Variants in MMEL1 observed in about 807,000 individuals in gnomAD.
The protein encoded by MMEL1 is membrane metallo-endopeptidase-like 1.
In MMEL1, 98 loss-of-function variants were observed where a neutral mutation model predicts 117.1. The ratio of observed to expected loss-of-function variants is 0.84; its 90% CI spans 0.71 to 0.99. The LOEUF is 0.99. Ranked by LOEUF, MMEL1 falls within the 50% of genes least tolerant of loss-of-function variation. The probability of loss-of-function intolerance (pLI) is 0.00; values close to 1 mark genes in which losing one functional copy is unlikely to be tolerated. For missense variants in MMEL1, 1,014 were observed against 1,049.1 expected, an observed-to-expected ratio of 0.97 and a Z score of 0.46; for synonymous variants, 390 against 415.1, an observed-to-expected ratio of 0.94 and a Z score of 0.74.
At chr1:2,592,807 G>T (rs1219050314) in intron 20 of MMEL1, 26 bp downstream of exon 20, 3 of 1,612,850 alleles carry the variant, frequency 1.9e-6, no homozygotes, top group Non-Finnish European at 2.5e-6. Context: ...TACCCCCGCA[G>T]CCTGGGTGCT....
intron 5 of MMEL1, 45 bp from the exon 6 acceptor site, chr1:2,609,464 A>G (rs777755893): frequency 1.9e-6 from 3 of 1,583,530 alleles, no homozygotes; most frequent in Admixed American, 1.8e-5. Context: ...ACGAGGCTGC[A>G]GGGGCCAGGT....
intron 2 of MMEL1, among the ~76,000 whole-genome samples, chr1:2,616,949 T>C (rs1173517792): frequency 6.6e-6 from 1 of 152,240 alleles, no homozygotes; most frequent in East Asian, 1.9e-4. Context: ...GAGGATGTAG[T>C]GAGCTCCTGA....
chr1:2,594,666 C>T (rs1644802339), intron 17 of MMEL1, 124 bp downstream of exon 17: 4 of 929,262 alleles, frequency 4.3e-6, no homozygotes, highest in Admixed American at 2.2e-5. Flanking sequence ...CCAGTGACTG[C>T]ACCCCTCAGC....
At chr1:2,606,549 C>T (rs1461109155) in intron 7 of MMEL1, among the ~76,000 whole-genome samples, 183 bp from the exon 8 acceptor site, 5 of 152,170 alleles carry the variant, frequency 3.3e-5, no homozygotes, top group African/African-American at 4.8e-5. Flanking sequence ...GAGCCACAGG[C>T]GGGCCCCCAG....
intron 11 of MMEL1, among the ~76,000 whole-genome samples, chr1:2,602,456 T>G (rs1247592123): frequency 1.3e-5 from 2 of 152,146 alleles, no homozygotes; most frequent in African/African-American, 4.8e-5. Context: ...TTTAGTCCTT[T>G]TGCAAACCCT....
chr1:2,593,806 C>A lies in MMEL1; in HGVS notation c.1867+8G>T. 1.3e-6 allele frequency: 2 copies of A among 1,594,482 alleles called. No homozygotes were observed. Among genetic ancestry groups the A allele is most frequent in the Non-Finnish European group, 1.7e-6 (2 of 1,168,218 alleles). ...AGGGCGTGTGTGATTGGAGGGGCGG[C>A]CGCTCACCATTGTCGTCAAAGCCGT... On this transcript the variant is annotated splice_region_variant and intron_variant, in intron 19 of 23. Coordinates refer to ENST00000378412, the MANE Select transcript of MMEL1 (RefSeq NM_033467.4).
intron 2 of MMEL1, among the ~76,000 whole-genome samples, chr1:2,626,590 T>C (rs1213021996): frequency 6.6e-6 from 1 of 152,278 alleles, no homozygotes; most frequent in Non-Finnish European, 1.5e-5. Context: ...ATTTGGCCTA[T>C]GGGCCATAGT....
rs1304575600 is a variant in MMEL1 at position 2,603,874 on chromosome 1, G to A, written c.1041+10C>T. 4.3e-6 allele frequency: 7 copies of A among 1,612,148 alleles called. No individual in the cohort carries two copies. The highest frequency in any genetic ancestry group is 1.3e-5 in the African/African-American group (1 of 74,914). ...GGCCAGTGCCGGCCTCCTGTGTGGT[G>A]TGGCCTCACCTTCAGGCCAAACTGG... On this transcript the variant is annotated intron_variant, in intron 11 of 23. Coordinates refer to ENST00000378412, the MANE Select transcript of MMEL1 (RefSeq NM_033467.4).
chr1:2,623,171 A>T (rs1645316680), intron 2 of MMEL1, among the ~76,000 whole-genome samples: 1 of 152,178 alleles, frequency 6.6e-6, no homozygotes, highest in South Asian at 2.1e-4. Context: ...GTCTAAAAAA[A>T]AAAAAAAACC....
rs558163181 is a variant in MMEL1, at chr1:2,606,707, T to C, written c.631+267A>G. ...GGCCGGAGCCTGGCTGGGGCCTGAG[T>C]GTCGAGCGCTCCTAGGGGCCGAGGA... On this transcript the variant is annotated intron_variant, in intron 7 of 23. Transcript: ENST00000378412. 2.5e-3 allele frequency among the ~76,000 whole-genome samples: 379 copies of C among 151,966 alleles called. 1 individual carries two copies. Among genetic ancestry groups the C allele is most frequent in the African/African-American group, 8.9e-3 (367 of 41,462 alleles).
At position 2,603,980 on chromosome 1, in the gene MMEL1, C is replaced by G. The variant is rs565067009; in HGVS notation, c.952-7G>C. The G allele has an allele frequency of 1.9e-6, 3 of 1,613,556 alleles. No homozygotes were observed. The highest frequency in any genetic ancestry group is 2.5e-6 in the Non-Finnish European group (3 of 1,179,906). The stretch of plus-strand genomic sequence containing the variant: ...CCTCCTGGGGTACCGTGGCCTGTGC[C>G]GGGGATAGCAGTCACACGGGCGGGT... On this transcript the variant is annotated splice_region_variant and splice_polypyrimidine_tract_variant and intron_variant, in intron 10 of 23. Transcript: ENST00000378412.
chr1:2,590,953 G>A lies in MMEL1; in HGVS notation c.*37C>T, dbSNP rs2296443. 0.31 allele frequency: 438,393 copies of A among 1,429,510 alleles called. 70,996 individuals carry two copies. Among genetic ancestry groups the A allele is most frequent in the East Asian group, 0.35 (13,601 of 38,806 alleles). 88.6% of individuals were successfully genotyped at this position (1,429,510 alleles called of 1,614,324 possible). A position where few individuals can be genotyped will look rare whatever the true frequency, so the allele number is the denominator to read the frequency against. ...CTTCGCACAGATGCCTCCGAGCAGC[G>A]GGTGGGCGTGGGCCGCACAGCGCGG... is the stretch of plus-strand genomic sequence containing the variant. On this transcript the variant is annotated 3_prime_UTR_variant, in exon 24 of 24. Transcript: ENST00000378412.
At chr1:2,596,482 G>T (rs956227889) in intron 14 of MMEL1, 79 bp downstream of exon 14, 2 of 1,551,594 alleles carry the variant, frequency 1.3e-6, no homozygotes, top group Non-Finnish European at 8.7e-7. Context: ...CCTGGGCGGG[G>T]TGGGAGTCTC....
chr1:2,591,238 C>A, intron 23 of MMEL1, 149 bp from the exon 24 acceptor site: 1 of 607,460 alleles, frequency 1.6e-6, no homozygotes, highest in Non-Finnish European at 2.9e-6. Flanking sequence ...TGAGATAAAC[C>A]CCCATCTGAC....
intron 18 of MMEL1, 112 bp from the exon 19 acceptor site, chr1:2,594,045 G>A: frequency 2.9e-6 from 4 of 1,366,778 alleles, no homozygotes; most frequent in Non-Finnish European, 3.9e-6. Context: ...CAGACCGGGA[G>A]GCAGAGGTCA....
rs983004290 is a variant in MMEL1 at position 2,595,632 on chromosome 1, C to T, written c.1501-273G>A. Among the ~76,000 whole-genome samples, 1 of 152,044 alleles carries T rather than the reference C, an allele frequency of 6.6e-6. No individual in the cohort carries two copies. Among genetic ancestry groups the T allele is most frequent in the African/African-American group, 2.4e-5 (1 of 41,394 alleles). On this transcript the variant is annotated intron_variant, in intron 15 of 23. Coordinates refer to ENST00000378412, the MANE Select transcript of MMEL1 (RefSeq NM_033467.4). The surrounding 1 kb of genome is among the most constrained non-coding windows in gnomAD (Gnocchi z 4.8). ...AGGGGTCCGGGTGGGGGCAGGGGCC[C>T]TGGAGGGGTCACTCGGCTGCCGTCT...
intron 2 of MMEL1, among the ~76,000 whole-genome samples, chr1:2,616,730 A>G (rs958413052): frequency 6.6e-6 from 1 of 152,220 alleles, no homozygotes; most frequent in Non-Finnish European, 1.5e-5. Context: ...CCTGGACCCA[A>G]ACAGTGCCTC....
intron 11 of MMEL1, among the ~76,000 whole-genome samples, chr1:2,602,941 G>A (rs779580761): frequency 1.3e-5 from 2 of 152,114 alleles, no homozygotes; most frequent in Non-Finnish European, 2.9e-5. Flanking sequence ...CTCCCGCACC[G>A]GAACCTCGAT....
chr1:2,611,388 G>A, intron 3 of MMEL1, 48 bp from the exon 4 acceptor site: 1 of 1,448,436 alleles, frequency 6.9e-7, no homozygotes, highest in South Asian at 1.4e-5. Context: ...GAGAGGGTGG[G>A]GCAGGACTGG....
Sources: gnomAD v4.1 joint callset for allele counts (sites outside exome capture counted in the v4.1 genomes callset) on GRCh38, gnomAD v4.1.1 for gene constraint, Gnocchi (gnomAD v3.1) non-coding constraint, MANE v1.5 for transcripts, NCBI Gene and HGNC (gene_info 2026-07-23, HGNC 2026-07-21) for gene names.